The following LRRC4C variants were observed in gnomAD, a reference collection of about 807,000 sequenced individuals.
LRRC4C encodes the protein leucine rich repeat containing 4C.
A neutral mutation model predicts 33.6 loss-of-function variants in LRRC4C; 5 were observed. The observed-to-expected ratio is 0.15, with a 90% CI of 0.08 to 0.31. LRRC4C has a LOEUF of 0.31. Ranked by LOEUF, LRRC4C falls within the 10% of genes least tolerant of loss-of-function variation. The probability of loss-of-function intolerance (pLI) is 1.00; values close to 1 mark genes in which losing one functional copy is unlikely to be tolerated. For missense variants in LRRC4C, 560 were observed against 796.7 expected, an observed-to-expected ratio of 0.70 and a Z score of 3.58; for synonymous variants, 329 against 302.0, an observed-to-expected ratio of 1.09 and a Z score of -0.93.
At chr11:40,148,100 TTTCTTTATCCAATCTACCA>T (rs1409321300) in intron 5 of LRRC4C, among the ~76,000 whole-genome samples, 2 of 152,222 alleles carry the variant, frequency 1.3e-5, no homozygotes, top group African/African-American at 4.8e-5. Context: ...TGTACCACAT[TTTCTTTATCCAATCTACCA>T]TTGATAGGCA....
intron 5 of LRRC4C, among the ~76,000 whole-genome samples, chr11:40,204,336 C>T (rs1862987064): frequency 6.6e-6 from 1 of 152,164 alleles, no homozygotes; most frequent in African/African-American, 2.4e-5. Context: ...TCCTTTCCTT[C>T]AGCTTGCCTA....
chr11:40,701,659 A>G (rs1410079645), intron 2 of LRRC4C, among the ~76,000 whole-genome samples: 1 of 149,904 alleles, frequency 6.7e-6, no homozygotes, highest in Non-Finnish European at 1.5e-5. Flanking sequence ...AAACATAAAG[A>G]TTTTATTATT....
intron 2 of LRRC4C, among the ~76,000 whole-genome samples, chr11:40,713,635 C>CTA (rs1946570403): frequency 1.3e-5 from 2 of 152,044 alleles, no homozygotes; most frequent in Non-Finnish European, 1.5e-5. Flanking sequence ...AGAAGTCAGG[C>CTA]TATAATAGAG....
intron 1 of LRRC4C, among the ~76,000 whole-genome samples, chr11:41,422,018 G>A (rs958748438): frequency 6.6e-6 from 1 of 151,990 alleles, no homozygotes; most frequent in African/African-American, 2.4e-5. Flanking sequence ...ATACTTAAAG[G>A]AAGATAATAA....
At chr11:40,984,891 C>T (rs1405110530) in intron 1 of LRRC4C, among the ~76,000 whole-genome samples, 3 of 32,754 alleles carry the variant, frequency 9.2e-5, no homozygotes, top group Non-Finnish European at 2.9e-4. Context: ...TTCTCACTGA[C>T]ACTTTTTTTT....
intron 3 of LRRC4C, among the ~76,000 whole-genome samples, chr11:40,393,617 A>G (rs1004920219): frequency 2.0e-5 from 3 of 152,146 alleles, no homozygotes; most frequent in African/African-American, 7.2e-5. Flanking sequence ...ATATGTGAAC[A>G]TTGACTCTGA....
chr11:40,476,907 A>G (rs1490569623), intron 3 of LRRC4C, among the ~76,000 whole-genome samples: 2 of 152,198 alleles, frequency 1.3e-5, no homozygotes, highest in Admixed American at 6.5e-5. Context: ...TTTCTAATTT[A>G]TCCTATCCTA....
intron 1 of LRRC4C, among the ~76,000 whole-genome samples, chr11:41,000,179 A>G (rs185467757): frequency 2.3e-3 from 348 of 152,310 alleles, no homozygotes; most frequent in Admixed American, 3.7e-3. Flanking sequence ...TTTCATTACA[A>G]TTACAAAGAT....
At chr11:40,834,607 G>A (rs1952577404) in intron 2 of LRRC4C, among the ~76,000 whole-genome samples, 2 of 151,998 alleles carry the variant, frequency 1.3e-5, no homozygotes, top group Admixed American at 1.3e-4. Context: ...TCATTCATAG[G>A]CATCCATGGA....
chr11:40,858,263 G>C (rs1051594251), intron 2 of LRRC4C, among the ~76,000 whole-genome samples: 1 of 152,138 alleles, frequency 6.6e-6, no homozygotes, highest in Admixed American at 6.5e-5. Flanking sequence ...GCAAAATGTG[G>C]TGTTGGACTA....
intron 1 of LRRC4C, among the ~76,000 whole-genome samples, chr11:41,200,708 G>C (rs1590917671): frequency 6.6e-6 from 1 of 152,088 alleles, no homozygotes; most frequent in South Asian, 2.1e-4. Context: ...GTGCTGAACT[G>C]TTATTCTCTG....
chr11:41,406,644 T>C (rs1954245935), intron 1 of LRRC4C, among the ~76,000 whole-genome samples: 1 of 151,350 alleles, frequency 6.6e-6, no homozygotes, highest in South Asian at 2.1e-4. Flanking sequence ...TAGGTTTTGC[T>C]AGGACCTAAT....
chr11:40,876,128 T>C (rs1954874189), intron 2 of LRRC4C, among the ~76,000 whole-genome samples: 1 of 152,114 alleles, frequency 6.6e-6, no homozygotes, highest in Non-Finnish European at 1.5e-5. Flanking sequence ...GAGATTGGAA[T>C]TTATCTCAAA....
intron 3 of LRRC4C, among the ~76,000 whole-genome samples, chr11:40,466,389 C>T (rs1330004328): frequency 6.6e-6 from 1 of 151,902 alleles, no homozygotes; most frequent in African/African-American, 2.4e-5. Context: ...TGTAACAATA[C>T]TTCCCTCGTA....
chr11:41,169,126 A>C (rs886611056), intron 1 of LRRC4C, among the ~76,000 whole-genome samples: 5 of 152,166 alleles, frequency 3.3e-5, no homozygotes, highest in Non-Finnish European at 5.9e-5. Context: ...ACCTTCCTCA[A>C]AAGGGTTTCA....
chr11:41,220,665 CAAG>C (rs1947268109), intron 1 of LRRC4C, among the ~76,000 whole-genome samples: 1 of 151,874 alleles, frequency 6.6e-6, no homozygotes, highest in East Asian at 1.9e-4. Flanking sequence ...TGTGGAAACA[CAAG>C]AAAAGATGAT....
At chr11:41,109,956 C>T (rs1238210962) in intron 1 of LRRC4C, among the ~76,000 whole-genome samples, 2 of 151,878 alleles carry the variant, frequency 1.3e-5, no homozygotes, top group Non-Finnish European at 2.9e-5. Flanking sequence ...ATAATTTTTC[C>T]TCTACAACAG....
chr11:41,432,921 A>C (rs1342018893), intron 1 of LRRC4C, among the ~76,000 whole-genome samples: 1 of 152,118 alleles, frequency 6.6e-6, no homozygotes, highest in Non-Finnish European at 1.5e-5. Context: ...TGATACTTTG[A>C]ATTAGAGACA....
chr11:41,351,467 C>T (rs142818644), intron 1 of LRRC4C, among the ~76,000 whole-genome samples: 1 of 141,766 alleles, frequency 7.1e-6, no homozygotes, highest in African/African-American at 2.5e-5. Flanking sequence ...AAAGAGGTTG[C>T]CATGAAAATT....
Sources: allele counts gnomAD v4.1 joint callset (sites outside exome capture counted in the v4.1 genomes callset), GRCh38; gene constraint gnomAD v4.1.1; transcripts MANE v1.5; gene names NCBI Gene and HGNC (gene_info 2026-07-23, HGNC 2026-07-21).